Variants in IGFL2 observed in about 807,000 individuals in gnomAD.
IGFL2 encodes insulin growth factor-like family member 2.
In IGFL2, 7 loss-of-function variants were observed where a neutral mutation model predicts 13.9. The observed-to-expected ratio is 0.51, with a 90% confidence interval of 0.29 to 0.95. IGFL2 has a LOEUF of 0.95. Ranked by LOEUF, IGFL2 falls within the 40% of genes least tolerant of loss-of-function variation. The probability of loss-of-function intolerance (pLI) is 0.08; values close to 1 mark genes in which losing one functional copy is unlikely to be tolerated. For synonymous variants in IGFL2, 55 were observed against 55.8 expected, an observed-to-expected ratio of 0.99 and a Z score of 0.07; for missense variants, 138 against 147.8, an observed-to-expected ratio of 0.93 and a Z score of 0.34.
the IGFL2 span, among the ~76,000 whole-genome samples, chr19:46,093,845 T>C: frequency 1.4e-4 from 22 of 152,142 alleles, no homozygotes; most frequent in Non-Finnish European, 2.9e-4. Context: ...TATCAAAAAT[T>C]AAATATCTAG....
At chr19:46,111,037 T>C in the IGFL2 span, 1 of 152,214 alleles carries the variant, frequency 6.6e-6, no homozygotes, top group Admixed American at 6.5e-5. Flanking sequence ...TCATTTATTC[T>C]TTATTGCTCA....
chr19:46,127,008 A>T, the IGFL2 span, among the ~76,000 whole-genome samples: 2 of 152,210 alleles, frequency 1.3e-5, no homozygotes, highest in Admixed American at 6.5e-5. Flanking sequence ...TCAGATGAAG[A>T]CACACTTGAA....
At chr19:46,093,968 A>G in the IGFL2 span, among the ~76,000 whole-genome samples, 1 of 151,090 alleles carries the variant, frequency 6.6e-6, no homozygotes, top group South Asian at 2.1e-4. Flanking sequence ...TGGAAGACTC[A>G]TTGTTAGATG....
the IGFL2 span, among the ~76,000 whole-genome samples, chr19:46,175,124 A>G: frequency 6.6e-6 from 1 of 152,232 alleles, no homozygotes; most frequent in African/African-American, 2.4e-5. Flanking sequence ...ATATATTAAT[A>G]CATGAATCTG....
At chr19:46,148,418 C>G (rs762589418) in intron 1 of IGFL2, 121 bp downstream of exon 1, 1 of 871,676 alleles carries the variant, frequency 1.1e-6, no homozygotes, top group South Asian at 1.5e-5. Flanking sequence ...CATAATCACC[C>G]GTGTCCTCTC....
chr19:46,143,802 C>T (rs1364774950), upstream of IGFL2, among the ~76,000 whole-genome samples: 3 of 152,202 alleles, frequency 2.0e-5, no homozygotes, highest in African/African-American at 7.2e-5. Context: ...CAAGATTGTG[C>T]ACAGTGGCCT....
chr19:46,121,621 C>T, the IGFL2 span, among the ~76,000 whole-genome samples: 1 of 150,388 alleles, frequency 6.6e-6, no homozygotes, highest in Non-Finnish European at 1.5e-5. Context: ...ACAACGGTGT[C>T]GCACGTGACG....
At chr19:46,110,634 G>T in the IGFL2 span, among the ~76,000 whole-genome samples, 1 of 152,024 alleles carries the variant, frequency 6.6e-6, no homozygotes, top group Non-Finnish European at 1.5e-5. Context: ...CAACTTTTTT[G>T]CTATTTTATC....
chr19:46,128,730 G>A, the IGFL2 span, among the ~76,000 whole-genome samples: 1 of 152,160 alleles, frequency 6.6e-6, no homozygotes, highest in Non-Finnish European at 1.5e-5. Context: ...TTCATGTGCT[G>A]CTGGATTCAG....
At chr19:46,120,242 C>T in the IGFL2 span, 86 of 1,582,410 alleles carry the variant, frequency 5.4e-5, 6 homozygotes, top group African/African-American at 1.1e-3. Context: ...CAAGTTGCTT[C>T]TCTCCGAAGT....
chr19:46,155,984 T>A (rs28548661), intron 1 of IGFL2, among the ~76,000 whole-genome samples: 4,025 of 152,070 alleles, frequency 0.026, 169 homozygotes, highest in African/African-American at 0.088. Flanking sequence ...TGGTAATTTT[T>A]AAAAAAAATA....
At chr19:46,111,352 G>A in the IGFL2 span, 2 of 152,188 alleles carry the variant, frequency 1.3e-5, no homozygotes, top group Admixed American at 1.3e-4. Context: ...GTAATATGAA[G>A]CCTCAGTTTT....
chr19:46,102,548 G>A, the IGFL2 span, among the ~76,000 whole-genome samples: 1 of 152,080 alleles, frequency 6.6e-6, no homozygotes, highest in Non-Finnish European at 1.5e-5. Context: ...ACATTATTGC[G>A]AGGGCGGGGA....
the IGFL2 span, among the ~76,000 whole-genome samples, chr19:46,094,756 A>G: frequency 1.3e-5 from 2 of 151,730 alleles, no homozygotes; most frequent in Non-Finnish European, 2.9e-5. Flanking sequence ...TTCAGCTCTC[A>G]CTTACAAGTG....
the IGFL2 span, among the ~76,000 whole-genome samples, chr19:46,107,673 A>AT: frequency 6.6e-6 from 1 of 152,158 alleles, no homozygotes; most frequent in African/African-American, 2.4e-5. Context: ...CTTTTTTATT[A>AT]TTGTACACCT....
At chr19:46,081,582 G>A in the IGFL2 span, among the ~76,000 whole-genome samples, 1 of 152,076 alleles carries the variant, frequency 6.6e-6, no homozygotes, top group South Asian at 2.1e-4. Flanking sequence ...TGTCTGATAA[G>A]CCTTGTCTTA....
chr19:46,105,161 T>A, the IGFL2 span, among the ~76,000 whole-genome samples: 1 of 152,210 alleles, frequency 6.6e-6, no homozygotes, highest in Admixed American at 6.5e-5. Flanking sequence ...TAAAGATGCA[T>A]TAATGATGGA....
chr19:46,121,529 C>T, the IGFL2 span, among the ~76,000 whole-genome samples: 1 of 150,428 alleles, frequency 6.6e-6, no homozygotes, highest in Non-Finnish European at 1.5e-5. Flanking sequence ...TATTTTCTCT[C>T]AGCTGTGGAG....
At chr19:46,175,683 C>T in the IGFL2 span, among the ~76,000 whole-genome samples, 2 of 151,546 alleles carry the variant, frequency 1.3e-5, no homozygotes, top group African/African-American at 2.4e-5. Context: ...GGATTACAGG[C>T]GCCCGCCACC....
Sources: allele counts gnomAD v4.1 joint callset (sites outside exome capture counted in the v4.1 genomes callset), GRCh38; gene constraint gnomAD v4.1.1; transcripts MANE v1.5; gene names NCBI Gene and HGNC (gene_info 2026-07-23, HGNC 2026-07-21).